The following ADGRE1 variants were observed in gnomAD, a reference collection of about 807,000 sequenced individuals.
ADGRE1 encodes adhesion G protein-coupled receptor E1.
A neutral mutation model predicts 102.7 loss-of-function variants in ADGRE1; 82 were observed. The ratio of observed to expected loss-of-function variants is 0.80; its 90% CI spans 0.67 to 0.96. The LOEUF (loss-of-function observed/expected upper bound fraction) is 0.96. ADGRE1 is among the 40% of genes least tolerant of loss of function. The probability of loss-of-function intolerance (pLI) is 0.00; values close to 1 mark genes in which losing one functional copy is unlikely to be tolerated. For missense variants in ADGRE1, 1,032 were observed against 1,085.3 expected (o/e 0.95, Z 0.69); for synonymous variants, 398 against 399.6 (o/e 1.00, Z 0.05).
At chr19:6,902,395 T>TTTTG (rs796674956) in intron 6 of ADGRE1, among the ~76,000 whole-genome samples, 37 of 152,100 alleles carry the variant, frequency 2.4e-4, no homozygotes, top group African/African-American at 8.2e-4. Flanking sequence ...GTGTGCCTCT[T>TTTTG]TTTGTTTGTT....
chr19:6,901,875 A>T lies in ADGRE1; in HGVS notation c.515A>T (p.Asp172Val). 1 of 1,614,104 alleles carries T rather than the reference A, an allele frequency of 6.2e-7. No homozygotes were observed. The highest frequency in any genetic ancestry group is 1.3e-5 in the African/African-American group (1 of 75,044). The change falls in exon 6 of 21, where the codon GAC becomes GTC. Residue 172 changes from aspartate to valine, a missense_variant and splice_region_variant. Physicochemically the swap from Asp to Val is radical, Grantham distance 152. Coordinates refer to ENST00000312053, the MANE Select transcript of ADGRE1 (RefSeq NM_001974.5). ...GFISRNSTCE[D>V]VDECADPRAC... ...CTGGGTTTTCTCTTCCACTCTTCAGACGTGGATGAATGTGCAGATCCAAGA... is the reference window on the plus strand; with the variant it reads ...CTGGGTTTTCTCTTCCACTCTTCAGTCGTGGATGAATGTGCAGATCCAAGA...
At position 6,921,765 on chromosome 19, in the gene ADGRE1, A is replaced by T; in HGVS notation, c.1673A>T (p.Lys558Met). ...TGTGTTTCCTGGAGCACTGATGTGA[A>T]GGGTGGAAGATGGACATCCTTTGGC... The part of the protein sequence containing the change: ...PICVSWSTDV[K>M]GGRWTSFGCV... The change falls in exon 14 of 21, where the codon AAG (lysine) becomes ATG (methionine). Residue 558 changes from lysine to methionine, a missense_variant. Physicochemically the swap from Lys to Met is moderately conservative, Grantham distance 95 (BLOSUM62 -1). Transcript: ENST00000312053. 6.2e-7 allele frequency: 1 copy of T among 1,614,070 alleles called. No homozygotes were observed. The highest frequency in any genetic ancestry group is 1.1e-5 in the South Asian group (1 of 91,078).
intron 17 of ADGRE1, among the ~76,000 whole-genome samples, chr19:6,934,710 GC>G (rs1424992390): frequency 2.7e-5 from 4 of 150,380 alleles, no homozygotes; most frequent in African/African-American, 9.8e-5. Flanking sequence ...TGATTCCCCT[GC>G]CTCAGCCTCC....
intron 11 of ADGRE1, among the ~76,000 whole-genome samples, chr19:6,915,928 A>AC (rs67684931): frequency 0.047 from 6,933 of 147,450 alleles, 250 homozygotes; most frequent in African/African-American, 0.059. Context: ...CTCAAAAAAA[A>AC]AAAAAAAAAA....
intron 5 of ADGRE1, among the ~76,000 whole-genome samples, chr19:6,901,520 T>C (rs942529482): frequency 2.0e-5 from 3 of 152,226 alleles, no homozygotes; most frequent in East Asian, 1.9e-4. Flanking sequence ...CACCTCTTAA[T>C]GCAAGGTATG....
Position 6,937,547 on chromosome 19 carries a change from C to A in ADGRE1, c.2554C>A (p.Arg852=), listed in dbSNP as rs368288760. The change falls in exon 20 of 21, where the codon CGA becomes AGA. Residue 852 remains arginine, a synonymous_variant. Transcript: ENST00000312053. ...LIHCLLNGQV[R]EEYKRWITGK... ...GATGATGTGTCTCCTTCTCCAGGTA[C>A]GAGAAGAATACAAGAGGTGGATCAC... 51 of 1,612,778 alleles carry A rather than the reference C, an allele frequency of 3.2e-5. 1 individual carries two copies. The African/African-American group carries it at 4.8e-4, about 15-fold the overall frequency.
At chr19:6,920,800 G>A (rs528141598) in intron 13 of ADGRE1, among the ~76,000 whole-genome samples, 2 of 151,954 alleles carry the variant, frequency 1.3e-5, no homozygotes, top group Admixed American at 1.3e-4. Context: ...ATGAGCCACC[G>A]TGCCCACCCT....
chr19:6,926,717 G>A (rs1974927635), intron 16 of ADGRE1, 116 bp downstream of exon 16: 1 of 1,074,530 alleles, frequency 9.3e-7, no homozygotes, highest in Middle Eastern at 2.2e-4. Flanking sequence ...CATTTATCGA[G>A]CTCTTCTATT....
chr19:6,898,708 T>G, intron 5 of ADGRE1: 1 of 836,132 alleles, frequency 1.2e-6, no homozygotes, highest in South Asian at 1.7e-5. Flanking sequence ...CTCTTTATTA[T>G]TTACCTGCTT....
intron 17 of ADGRE1, among the ~76,000 whole-genome samples, chr19:6,932,855 T>C (rs981633938): frequency 6.6e-6 from 1 of 152,204 alleles, no homozygotes; most frequent in Non-Finnish European, 1.5e-5. Flanking sequence ...ATGTGTGAGA[T>C]GCTTAGTACA....
intron 9 of ADGRE1, 68 bp from the exon 10 acceptor site, chr19:6,908,621 T>A: frequency 7.1e-7 from 1 of 1,417,424 alleles, no homozygotes; most frequent in South Asian, 1.3e-5. Context: ...AATTTGTAGA[T>A]TACATGCTTG....
At chr19:6,921,996 G>A in intron 14 of ADGRE1, 113 bp downstream of exon 14, 1 of 1,249,604 alleles carries the variant, frequency 8.0e-7, no homozygotes, top group Non-Finnish European at 1.1e-6. Flanking sequence ...GTTGTGGGAT[G>A]GAGTCACGGG....
rs762159318 is a variant in ADGRE1, at chr19:6,902,031, G to T, written c.661+10G>T. On this transcript the variant is annotated intron_variant, in intron 6 of 20. Coordinates refer to ENST00000312053, the MANE Select transcript of ADGRE1 (RefSeq NM_001974.5). ...AAAGCATCGTGTGAAGGTAGGTGGGGGTGTCTTCTGAGAAGTCAGGTCCAA... is the reference window on the plus strand; with the variant it reads ...AAAGCATCGTGTGAAGGTAGGTGGGTGTGTCTTCTGAGAAGTCAGGTCCAA... 4 of 1,613,864 alleles carry T rather than the reference G, an allele frequency of 2.5e-6. No homozygotes were observed. The highest frequency in any genetic ancestry group is 3.4e-6 in the Non-Finnish European group (4 of 1,179,946).
chr19:6,934,749 C>T, intron 17 of ADGRE1, among the ~76,000 whole-genome samples: 1 of 151,388 alleles, frequency 6.6e-6, no homozygotes, highest in South Asian at 2.1e-4. Context: ...AGGCATCCAC[C>T]ACCATGCATG....
At chr19:6,922,023 G>A in intron 14 of ADGRE1, 140 bp downstream of exon 14, 1 of 988,390 alleles carries the variant, frequency 1.0e-6, no homozygotes, top group East Asian at 2.5e-5. Flanking sequence ...AGGGGTAGGT[G>A]ATATGCCTTT....
intron 10 of ADGRE1, among the ~76,000 whole-genome samples, chr19:6,909,187 A>G (rs577853417): frequency 8.7e-4 from 133 of 152,246 alleles, no homozygotes; most frequent in Non-Finnish European, 1.7e-3. Context: ...TGGATTGTGA[A>G]TTAATATTTA....
rs756780668 is a variant in ADGRE1, at chr19:6,934,944, A to G, written c.2290-43A>G. ...TTTATAGGTGTTCTGGCCCTTGTCT[A>G]TTTGTATATCCAGTCTCTCCATCCT... On this transcript the variant is annotated intron_variant, in intron 17 of 20. Transcript: ENST00000312053. 12 of 1,416,370 alleles carry G rather than the reference A, an allele frequency of 8.5e-6. No homozygotes were observed. The East Asian group carries it at 2.8e-4, about 33-fold the overall frequency. The allele number at this position is 1,416,370 out of a possible 1,614,324, so 87.7% of individuals were successfully genotyped here.
intron 2 of ADGRE1, among the ~76,000 whole-genome samples, chr19:6,891,936 G>A (rs1973392407): frequency 6.6e-6 from 1 of 152,094 alleles, no homozygotes; most frequent in African/African-American, 2.4e-5. Flanking sequence ...AAAGAATTTG[G>A]AGGACCGAGC....
At chr19:6,925,320 A>G (rs774749393) in intron 15 of ADGRE1, among the ~76,000 whole-genome samples, 112 of 152,216 alleles carry the variant, frequency 7.4e-4, no homozygotes, top group Non-Finnish European at 1.2e-3. Context: ...ACGGGGTTTC[A>G]CCATTTTGGC....
Sources: gnomAD v4.1 joint callset for allele counts (sites outside exome capture counted in the v4.1 genomes callset) on GRCh38, gnomAD v4.1.1 for gene constraint, MANE v1.5 for transcripts, NCBI Gene and HGNC (gene_info 2026-07-23, HGNC 2026-07-21) for gene names.